Variants in TSHR observed in about 807,000 individuals in gnomAD.
TSHR encodes thyrotropin receptor.
Under a neutral mutation model 64.1 loss-of-function variants are expected in TSHR, and 51 were observed. The observed-to-expected ratio is 0.80, with a 90% CI of 0.64 to 1.01. The LOEUF (loss-of-function observed/expected upper bound fraction) is 1.01, where lower values mean the gene tolerates loss of function less well. Among genes scored for constraint, TSHR ranks in the 50% least tolerant of loss-of-function variants. The probability of loss-of-function intolerance (pLI) is 0.00; values close to 1 mark genes in which losing one functional copy is unlikely to be tolerated. For missense variants in TSHR, 877 were observed against 942.8 expected (o/e 0.93, Z 0.91); for synonymous variants, 361 against 361.9 (o/e 1.00, Z 0.03).
intron 1 of TSHR, among the ~76,000 whole-genome samples, chr14:80,959,084 G>A (rs726018): frequency 0.43 from 64,975 of 151,574 alleles, 15,554 homozygotes; most frequent in African/African-American, 0.66. Context: ...TCCCAGCCCC[G>A]TGGTCTTATG....
intron 3 of TSHR, among the ~76,000 whole-genome samples, chr14:81,080,155 TG>T (rs1887799579): frequency 6.6e-6 from 1 of 152,098 alleles, no homozygotes; most frequent in Admixed American, 6.5e-5. Flanking sequence ...GGTTTCACCA[TG>T]TTAGCCAGGA....
intron 1 of TSHR, among the ~76,000 whole-genome samples, chr14:81,056,838 C>T (rs1199892938): frequency 6.6e-6 from 1 of 152,150 alleles, no homozygotes; most frequent in African/African-American, 2.4e-5. Context: ...GCATTGTAGA[C>T]ATCATATCAC....
intron 8 of TSHR, among the ~76,000 whole-genome samples, chr14:81,112,455 A>G (rs1160498671): frequency 6.6e-6 from 1 of 151,966 alleles, no homozygotes; most frequent in African/African-American, 2.4e-5. Context: ...TGGTTAAATC[A>G]TCTGCTCACA....
chr14:80,958,993 A>C (rs746169490), intron 1 of TSHR, among the ~76,000 whole-genome samples: 15 of 152,228 alleles, frequency 9.9e-5, no homozygotes, highest in Admixed American at 2.6e-4. Context: ...TGGTGCCGAG[A>C]ACAACTCTTT....
intron 4 of TSHR, among the ~76,000 whole-genome samples, chr14:81,089,602 T>C (rs1054435741): frequency 5.3e-5 from 8 of 152,142 alleles, no homozygotes; most frequent in African/African-American, 1.7e-4. Flanking sequence ...GAGAGACATA[T>C]ACAGTGTTTG....
intron 7 of TSHR, chr14:81,099,610 A>T (rs1434549829): frequency 2.0e-5 from 3 of 152,252 alleles, no homozygotes; most frequent in Non-Finnish European, 2.9e-5. Flanking sequence ...GGACAATCAC[A>T]TCAAGAAACA....
At chr14:81,006,774 A>G (rs546545159) in intron 1 of TSHR, among the ~76,000 whole-genome samples, 1 of 152,138 alleles carries the variant, frequency 6.6e-6, no homozygotes, top group Admixed American at 6.5e-5. Context: ...CGGTCTCCCA[A>G]GGTGCTGGGA....
At chr14:81,138,213 CAG>C (rs1891533425) in intron 8 of TSHR, among the ~76,000 whole-genome samples, 1 of 123,950 alleles carries the variant, frequency 8.1e-6, no homozygotes, top group African/African-American at 3.2e-5. Context: ...TTTTTTGAGA[CAG>C]AGTCTCACTT....
chr14:81,008,044 G>A (rs1447237557), intron 1 of TSHR, among the ~76,000 whole-genome samples: 3 of 152,154 alleles, frequency 2.0e-5, no homozygotes, highest in Non-Finnish European at 4.4e-5. Context: ...TTGGAGAGTA[G>A]GGGTATGTCT....
chr14:80,961,055 T>G (rs533536226), intron 1 of TSHR, among the ~76,000 whole-genome samples: 1 of 152,324 alleles, frequency 6.6e-6, no homozygotes, highest in South Asian at 2.1e-4. Context: ...AAGAGAAAGG[T>G]GGTCACCCGC....
intron 3 of TSHR, among the ~76,000 whole-genome samples, chr14:81,078,158 T>C (rs989794598): frequency 7.9e-5 from 12 of 152,110 alleles, no homozygotes; most frequent in African/African-American, 2.9e-4. Context: ...TGCCCTTCTG[T>C]AGGTCCAATT....
Position 81,143,772 on chromosome 14 carries a change from A to T in TSHR, c.1714A>T (p.Met572Leu). ...TGCCAAAGTCAGTATCTGCCTGCCC[A>T]TGGACACCGAGACCCCTCTTGCTCT... Reference protein sequence around the residue: ...SYAKVSICLPMDTETPLALAY... With the variant: ...SYAKVSICLPLDTETPLALAY... Residue 572 changes from methionine to leucine, a missense_variant, in exon 10 of 10, where the codon ATG becomes TTG. Physicochemically the swap from Met to Leu is conservative, Grantham distance 15. Transcript: ENST00000298171. 1 of 1,613,872 alleles carries T rather than the reference A, an allele frequency of 6.2e-7. No homozygotes were observed. Among genetic ancestry groups the T allele is most frequent in the East Asian group, 2.2e-5 (1 of 44,842 alleles).
intron 8 of TSHR, among the ~76,000 whole-genome samples, chr14:81,113,837 G>A (rs1318572397): frequency 2.0e-5 from 3 of 152,102 alleles, no homozygotes; most frequent in Non-Finnish European, 4.4e-5. Flanking sequence ...AGGTGACACT[G>A]AAGCTGGTCA....
At chr14:81,121,219 T>C (rs569830086) in intron 8 of TSHR, among the ~76,000 whole-genome samples, 2 of 151,414 alleles carry the variant, frequency 1.3e-5, no homozygotes, top group Non-Finnish European at 2.9e-5. Flanking sequence ...TCATAAAACA[T>C]GAAATCAATG....
At chr14:80,999,926 C>CTTTTT (rs887541689) in intron 1 of TSHR, among the ~76,000 whole-genome samples, 1,561 of 142,646 alleles carry the variant, frequency 0.011, 47 homozygotes, top group East Asian at 0.04. Context: ...AATTTTTTTT[C>CTTTTT]TTTTTTTTCT....
chr14:81,018,113 A>G (rs1883524080), intron 1 of TSHR, among the ~76,000 whole-genome samples: 2 of 152,114 alleles, frequency 1.3e-5, no homozygotes, highest in South Asian at 4.1e-4. Context: ...TTACAATAGT[A>G]CCTAACATAC....
At chr14:81,061,676 A>G (rs1886252704) in intron 1 of TSHR, among the ~76,000 whole-genome samples, 2 of 152,110 alleles carry the variant, frequency 1.3e-5, no homozygotes, top group Admixed American at 6.6e-5. Flanking sequence ...GCAGAAAAAA[A>G]TAACTATTGG....
chr14:81,126,449 C>A (rs943121670), intron 8 of TSHR, among the ~76,000 whole-genome samples: 1 of 152,140 alleles, frequency 6.6e-6, no homozygotes, highest in Non-Finnish European at 1.5e-5. Context: ...GTAAATGTTT[C>A]CTATCTATGC....
At chr14:81,023,577 G>C (rs1033685429) in intron 1 of TSHR, among the ~76,000 whole-genome samples, 1 of 152,134 alleles carries the variant, frequency 6.6e-6, no homozygotes, top group Non-Finnish European at 1.5e-5. Flanking sequence ...TGGGTGGCCA[G>C]GGGCATTGTT....
Sources: allele counts gnomAD v4.1 joint callset (sites outside exome capture counted in the v4.1 genomes callset), GRCh38; gene constraint gnomAD v4.1.1; transcripts MANE v1.5; gene names NCBI Gene and HGNC (gene_info 2026-07-23, HGNC 2026-07-21).